TRIM8: variants seen among roughly 807,000 people sequenced by gnomAD.
TRIM8 encodes the protein tripartite motif containing 8, also known as E3 ubiquitin-protein ligase TRIM8.
TRIM8 carries 9 observed loss-of-function variants against 55.7 expected under a neutral mutation model. That is an observed-to-expected ratio of 0.16 (90% CI 0.10 to 0.28). The LOEUF is 0.28. Among genes scored for constraint, TRIM8 ranks in the 10% least tolerant of loss-of-function variants. The pLI is 1.00. For synonymous variants in TRIM8, 335 were observed against 333.3 expected, an observed-to-expected ratio of 1.01 and a Z score of -0.06; for missense variants, 556 against 736.4, an observed-to-expected ratio of 0.76 and a Z score of 2.83.
chr10:102,650,729 A>C (rs1182736922), intron 1 of TRIM8, among the ~76,000 whole-genome samples: 10 of 151,918 alleles, frequency 6.6e-5, no homozygotes, highest in Admixed American at 6.5e-4. Flanking sequence ...GATCTCAGCT[A>C]TGGGTTTTTC....
intron 1 of TRIM8, among the ~76,000 whole-genome samples, chr10:102,647,045 G>A (rs1035435569): frequency 6.6e-6 from 1 of 152,220 alleles, no homozygotes; most frequent in Admixed American, 6.5e-5. Flanking sequence ...TTGAGACTGT[G>A]TGCTTCGCCC....
At chr10:102,652,035 G>C (rs908094010) in intron 1 of TRIM8, among the ~76,000 whole-genome samples, 5 of 152,194 alleles carry the variant, frequency 3.3e-5, no homozygotes, top group Non-Finnish European at 7.4e-5. Flanking sequence ...TCTGACCCTT[G>C]GGCTGGCAGC....
At position 102,644,609 on chromosome 10, in the gene TRIM8, G is replaced by C; in HGVS notation, c.-9G>C. 1 of 1,610,102 alleles carries C rather than the reference G, an allele frequency of 6.2e-7. No individual in the cohort carries two copies. Among genetic ancestry groups the C allele is most frequent in the Non-Finnish European group, 8.5e-7 (1 of 1,178,840 alleles). On this transcript the variant is annotated 5_prime_UTR_variant, in exon 1 of 6. Coordinates refer to ENST00000643721, the MANE Select transcript of TRIM8 (RefSeq NM_030912.3). ...GGAGGCCTGCCCCGGCCCCCTGCCCGCGGCCGCCATGGCGGAGAATTGGAA... is the reference window on the plus strand; with the variant it reads ...GGAGGCCTGCCCCGGCCCCCTGCCCCCGGCCGCCATGGCGGAGAATTGGAA...
chr10:102,651,966 CGCA>C (rs1252529958), intron 1 of TRIM8, among the ~76,000 whole-genome samples: 1 of 152,194 alleles, frequency 6.6e-6, no homozygotes, highest in Non-Finnish European at 1.5e-5. Context: ...CATGTGCGTG[CGCA>C]GCTTTGTGCC....
rs1349474037 is a variant in TRIM8 at position 102,656,643 on chromosome 10, C to T, written c.1049-104C>T. 6.7e-6 allele frequency: 10 copies of T among 1,483,140 alleles called. No homozygotes were observed. In the Admixed American group the frequency reaches 2.4e-4, roughly 35 times the overall value. 91.9% of individuals were successfully genotyped at this position (1,483,140 alleles called of 1,614,324 possible). A position where few individuals can be genotyped will look rare whatever the true frequency, so the allele number is the denominator to read the frequency against. On this transcript the variant is annotated intron_variant, in intron 5 of 5. Coordinates refer to ENST00000643721, the MANE Select transcript of TRIM8 (RefSeq NM_030912.3). The surrounding 1 kb of genome is among the most constrained non-coding windows in gnomAD (Gnocchi z 4.6). The stretch of plus-strand genomic sequence containing the variant: ...CAAGCATCACCTGAGATGTAACATT[C>T]TTGGGCCTCTAGGTGTCAATGGTCC...
At position 102,644,899 on chromosome 10, in the gene TRIM8, C is replaced by T. The variant is rs1437695666; in HGVS notation, c.282C>T (p.Phe94=). 1 of 1,609,064 alleles carries T rather than the reference C, an allele frequency of 6.2e-7. No individual in the cohort carries two copies. Among genetic ancestry groups the T allele is most frequent in the African/African-American group, 1.3e-5 (1 of 74,848 alleles). The change falls in exon 1 of 6, where the codon TTC becomes TTT. Residue 94 remains phenylalanine, a synonymous_variant. Transcript: ENST00000643721. ...CGCCGGCGGCGCTGCACTGCGTGTTCTGCCGCCGCGGCCCCCCGCTGCCCG... is the reference window on the plus strand; with the variant it reads ...CGCCGGCGGCGCTGCACTGCGTGTTTTGCCGCCGCGGCCCCCCGCTGCCCG... ...EKPPAALHCV[F]CRRGPPLPAQ...
chr10:102,652,096 C>G (rs1295681230), intron 1 of TRIM8, among the ~76,000 whole-genome samples: 1 of 152,128 alleles, frequency 6.6e-6, no homozygotes, highest in Non-Finnish European at 1.5e-5. Flanking sequence ...GTCTCCCAGG[C>G]CTGATTCTTT....
chr10:102,645,975 T>G (rs2135974955), intron 1 of TRIM8, among the ~76,000 whole-genome samples: 1 of 152,242 alleles, frequency 6.6e-6, no homozygotes, highest in Non-Finnish European at 1.5e-5. Flanking sequence ...GGAAAAAGAA[T>G]CCTGTGGGTT....
Position 102,657,321 on chromosome 10 carries a change from G to A in TRIM8, c.1623G>A (p.Gly541=). The change falls in exon 6 of 6, where the codon GGG becomes GGA. Residue 541 remains glycine (G), a synonymous_variant. Coordinates refer to ENST00000643721, the MANE Select transcript of TRIM8 (RefSeq NM_030912.3). ...PGHQDFYRVY[G]QPSTKHYVTS ...ACCAGGATTTCTACAGGGTGTATGG[G>A]CAGCCGTCCACCAAACACTACGTGA... is the stretch of plus-strand genomic sequence containing the variant. The A allele has an allele frequency of 6.2e-7, 1 of 1,604,466 alleles. No individual in the cohort carries two copies. Among genetic ancestry groups the A allele is most frequent in the Non-Finnish European group, 8.5e-7 (1 of 1,174,214 alleles).
At chr10:102,647,041 CTGTG>C (rs888332697) in intron 1 of TRIM8, among the ~76,000 whole-genome samples, 1 of 152,226 alleles carries the variant, frequency 6.6e-6, no homozygotes, top group Non-Finnish European at 1.5e-5. Context: ...GTCTTTGAGA[CTGTG>C]TGCTTCGCCC....
At chr10:102,649,924 G>A (rs2063966465) in intron 1 of TRIM8, among the ~76,000 whole-genome samples, 2 of 152,158 alleles carry the variant, frequency 1.3e-5, no homozygotes, top group African/African-American at 4.8e-5. Context: ...GAGTAGGGGA[G>A]GGTTAGGATG....
intron 1 of TRIM8, among the ~76,000 whole-genome samples, chr10:102,651,356 G>A (rs1274289246): frequency 6.6e-6 from 1 of 152,210 alleles, no homozygotes; most frequent in African/African-American, 2.4e-5. Context: ...CCCCAGGACT[G>A]GACAGGAAGG....
chr10:102,646,034 G>T (rs866331900), intron 1 of TRIM8, among the ~76,000 whole-genome samples: 1 of 152,148 alleles, frequency 6.6e-6, no homozygotes. Context: ...GGCTCCCCTG[G>T]GCTGCCGGCT....
At position 102,655,152 on chromosome 10, in the gene TRIM8, C is replaced by G. The variant is rs1343610603; in HGVS notation, c.739C>G (p.Leu247Val). The G allele has an allele frequency of 2.5e-6, 4 of 1,612,076 alleles. No homozygotes were observed. Among genetic ancestry groups the G allele is most frequent in the Non-Finnish European group, 3.4e-6 (4 of 1,179,492 alleles). Residue 247 changes from leucine to valine, a missense_variant, in exon 3 of 6, where the codon CTG becomes GTG. By Grantham distance (32) the Leu-to-Val change is conservative. This residue lies in a region of TRIM8 where 391 missense variants were observed against 441.0 expected (regional missense o/e 0.89). Coordinates refer to ENST00000643721, the MANE Select transcript of TRIM8 (RefSeq NM_030912.3). ...GCTGCACCAGCTGCTGGACGAGGAC[C>G]TGCGGCAGACAGTGGAGGTCCTAGA... is the stretch of plus-strand genomic sequence containing the variant. ...EKLHQLLDEDLRQTVEVLDKA... is the reference protein window; with the variant it reads ...EKLHQLLDEDVRQTVEVLDKA...
At chr10:102,652,152 C>T (rs1291360283) in intron 1 of TRIM8, among the ~76,000 whole-genome samples, 1 of 152,156 alleles carries the variant, frequency 6.6e-6, no homozygotes, top group African/African-American at 2.4e-5. Context: ...TGTGTGTGGG[C>T]CCCCTGCACC....
At chr10:102,646,437 T>C (rs1009475788) in intron 1 of TRIM8, among the ~76,000 whole-genome samples, 1 of 152,054 alleles carries the variant, frequency 6.6e-6, no homozygotes, top group Non-Finnish European at 1.5e-5. Flanking sequence ...TGATTGGAGA[T>C]GGGGCTGTTT....
chr10:102,654,745 G>C lies in TRIM8; in HGVS notation c.663G>C (p.Val221=). 1 of 1,613,622 alleles carries C rather than the reference G, an allele frequency of 6.2e-7. No individual in the cohort carries two copies. The highest frequency in any genetic ancestry group is 8.5e-7 in the Non-Finnish European group (1 of 1,179,462). The part of the protein sequence containing the change: ...LYKLESDKRL[V]EEKVNQLKEE... ...AACTCGAGTCAGACAAGCGCCTGGT[G>C]GAGGTAGCTAAGCCCAAGGCCATGC... The change falls in exon 2 of 6, where the codon GTG becomes GTC. Residue 221 remains valine, a synonymous_variant. Coordinates refer to ENST00000643721, the MANE Select transcript of TRIM8 (RefSeq NM_030912.3).
At position 102,657,047 on chromosome 10, in the gene TRIM8, C is replaced by A. The variant is rs2064031933; in HGVS notation, c.1349C>A (p.Ser450Tyr). The change falls in exon 6 of 6, where the codon TCC becomes TAC. Residue 450 changes from serine (S) to tyrosine (Y), a missense_variant. Transcript: ENST00000643721. ...VFPPSQYPNG[S>Y]AAQQPMLPQY... is the part of the protein sequence containing the mutation. The stretch of plus-strand genomic sequence containing the variant: ...CCCCCATCGCAGTATCCCAATGGCT[C>A]CGCCGCCCAGCAGCCCATGCTCCCC... 1 of 1,613,068 alleles carries A rather than the reference C, an allele frequency of 6.2e-7. No individual in the cohort carries two copies. Among genetic ancestry groups the A allele is most frequent in the African/African-American group, 1.3e-5 (1 of 74,916 alleles).
At chr10:102,647,762 G>A (rs1167218463) in intron 1 of TRIM8, among the ~76,000 whole-genome samples, 1 of 152,202 alleles carries the variant, frequency 6.6e-6, no homozygotes, top group African/African-American at 2.4e-5. Context: ...TCTAGGCTCT[G>A]CTTCTTGTGC....
Sources: allele counts gnomAD v4.1 joint callset (sites outside exome capture counted in the v4.1 genomes callset), GRCh38; gene constraint gnomAD v4.1.1; regional missense constraint gnomAD v4.1.1; non-coding constraint Gnocchi (gnomAD v3.1); transcripts MANE v1.5; gene names NCBI Gene and HGNC (gene_info 2026-07-23, HGNC 2026-07-21).